Variants in CDK14 observed in about 807,000 individuals in gnomAD.
CDK14 encodes the protein cyclin dependent kinase 14.
In CDK14, 34 loss-of-function variants were observed where a neutral mutation model predicts 60.7. The observed-to-expected ratio is 0.56, with a 90% CI of 0.43 to 0.75. The LOEUF (loss-of-function observed/expected upper bound fraction) is 0.75, where lower values mean the gene tolerates loss of function less well. Ranked by LOEUF, CDK14 falls within the 30% of genes least tolerant of loss-of-function variation. The pLI is 0.00. For synonymous variants in CDK14, 197 were observed against 203.7 expected (o/e 0.97, Z 0.28); for missense variants, 482 against 564.1 (o/e 0.85, Z 1.47).
At position 90,791,673 on chromosome 7, in the gene CDK14, T is replaced by C. The variant is rs182096368; in HGVS notation, c.544+1021T>C. Among the ~76,000 whole-genome samples the C allele has an allele frequency of 1.5e-3, 225 of 152,336 alleles. 1 individual carries two copies. The highest frequency in any genetic ancestry group is 2.1e-3 in the Non-Finnish European group (141 of 68,026). On this transcript the variant is annotated intron_variant, in intron 5 of 14. Coordinates refer to ENST00000380050, the MANE Select transcript of CDK14 (RefSeq NM_001287135.2). The stretch of plus-strand genomic sequence containing the variant: ...TTCTCCTTTTCATTCAATTTTAATT[T>C]TGTTTCCATCATTTATCTTTAGCGG...
rs1033696760 is a variant in CDK14, at chr7:90,981,179, T to A, written c.948-2969T>A. On this transcript the variant is annotated intron_variant, in intron 9 of 14. Transcript: ENST00000380050. ...GAAGAAAATAGTCTTAGAAAAGAAT[T>A]CCTGACAGAAAAATTTGGAAAGCCA... is the stretch of plus-strand genomic sequence containing the variant. 5.9e-5 allele frequency among the ~76,000 whole-genome samples: 9 copies of A among 152,236 alleles called. No individual in the cohort carries two copies. In the East Asian group the frequency reaches 1.7e-3, roughly 29 times the overall value.
intron 1 of CDK14, chr7:90,597,334 A>G (rs1161074265): frequency 2.6e-5 from 4 of 152,496 alleles, no homozygotes; most frequent in Non-Finnish European, 5.9e-5. Flanking sequence ...TGTCTCTCGA[A>G]CTTGTTCCAT....
intron 10 of CDK14, among the ~76,000 whole-genome samples, chr7:90,998,483 A>G (rs569344119): frequency 4.6e-5 from 7 of 152,328 alleles, no homozygotes; most frequent in Non-Finnish European, 8.8e-5. Context: ...ACACTTGGGC[A>G]ATAAAAATAT....
intron 4 of CDK14, among the ~76,000 whole-genome samples, chr7:90,770,576 C>T (rs760988126): frequency 3.3e-5 from 5 of 152,150 alleles, no homozygotes; most frequent in Non-Finnish European, 7.4e-5. Flanking sequence ...TCAAATATCA[C>T]ATTACTTAAC....
chr7:91,081,460 C>T (rs1026422635), intron 12 of CDK14, among the ~76,000 whole-genome samples: 1 of 152,118 alleles, frequency 6.6e-6, no homozygotes, highest in African/African-American at 2.4e-5. Context: ...TTTGCAAGAA[C>T]TAATTTGAAT....
intron 2 of CDK14, among the ~76,000 whole-genome samples, chr7:90,679,263 A>T (rs1174679807): frequency 6.6e-6 from 1 of 152,192 alleles, no homozygotes; most frequent in Non-Finnish European, 1.5e-5. Flanking sequence ...AACAGTTCTT[A>T]AATCTAGCTC....
At chr7:90,996,499 A>G (rs989588439) in intron 10 of CDK14, among the ~76,000 whole-genome samples, 9 of 152,246 alleles carry the variant, frequency 5.9e-5, no homozygotes, top group Admixed American at 4.6e-4. Flanking sequence ...ATTAAGATTT[A>G]TCATAAAATA....
At chr7:91,054,088 ATTTTTTT>A (rs10675646) in intron 11 of CDK14, among the ~76,000 whole-genome samples, 1 of 112,972 alleles carries the variant, frequency 8.9e-6, no homozygotes, top group Non-Finnish European at 1.7e-5. Flanking sequence ...CTGCAAAATA[ATTTTTTT>A]TTTTTTTTTT....
chr7:90,805,654 T>C (rs1229426954), intron 5 of CDK14, among the ~76,000 whole-genome samples: 1 of 152,102 alleles, frequency 6.6e-6, no homozygotes, highest in East Asian at 1.9e-4. Context: ...AATAAAAAGA[T>C]GTACCTTGTT....
intron 3 of CDK14, among the ~76,000 whole-genome samples, chr7:90,747,088 A>T (rs940636738): frequency 6.6e-6 from 1 of 152,232 alleles, no homozygotes; most frequent in Non-Finnish European, 1.5e-5. Flanking sequence ...AATGACCACG[A>T]CTGTGTTTCA....
intron 7 of CDK14, among the ~76,000 whole-genome samples, chr7:90,915,118 T>C (rs147300845): frequency 5.6e-4 from 85 of 152,046 alleles, no homozygotes; most frequent in Non-Finnish European, 9.3e-4. Context: ...TGGAAAATAG[T>C]AGGCAAAGGG....
chr7:90,597,022 T>G (rs950478309), intron 1 of CDK14, among the ~76,000 whole-genome samples: 1 of 152,106 alleles, frequency 6.6e-6, no homozygotes, highest in African/African-American at 2.4e-5. Context: ...AGGGGACCCC[T>G]CGGCCCCCAC....
chr7:90,652,094 T>C (rs149888140), intron 2 of CDK14, among the ~76,000 whole-genome samples: 3 of 152,306 alleles, frequency 2.0e-5, no homozygotes, highest in African/African-American at 7.2e-5. Flanking sequence ...TCTTTCTTTA[T>C]TTTTCCCAAG....
chr7:91,173,460 G>T (rs1314800152), intron 14 of CDK14, among the ~76,000 whole-genome samples: 1 of 151,672 alleles, frequency 6.6e-6, no homozygotes, highest in African/African-American at 2.4e-5. Flanking sequence ...GAGCCAAGAT[G>T]GCCGAATAGG....
intron 10 of CDK14, among the ~76,000 whole-genome samples, chr7:91,035,220 C>G (rs918573258): frequency 6.6e-6 from 1 of 152,130 alleles, no homozygotes; most frequent in African/African-American, 2.4e-5. Flanking sequence ...TCTGTGTGAC[C>G]TCATCTTGTC....
intron 14 of CDK14, among the ~76,000 whole-genome samples, chr7:91,123,673 G>A (rs535494933): frequency 4.6e-5 from 7 of 151,806 alleles, no homozygotes; most frequent in African/African-American, 1.2e-4. Flanking sequence ...TCCTTTAAAC[G>A]CTAATGCAAG....
chr7:90,901,572 C>A (rs1792505855), intron 7 of CDK14, among the ~76,000 whole-genome samples: 1 of 151,962 alleles, frequency 6.6e-6, no homozygotes, highest in Non-Finnish European at 1.5e-5. Flanking sequence ...ATGTCCTGGA[C>A]AGTCTCAGTG....
intron 2 of CDK14, among the ~76,000 whole-genome samples, chr7:90,699,405 T>C (rs1375250517): frequency 6.6e-6 from 1 of 152,226 alleles, no homozygotes; most frequent in Non-Finnish European, 1.5e-5. Context: ...AAGTAGTTTG[T>C]ACATCATTTA....
chr7:90,644,207 C>T (rs1800410347), intron 2 of CDK14, among the ~76,000 whole-genome samples: 1 of 152,146 alleles, frequency 6.6e-6, no homozygotes, highest in South Asian at 2.1e-4. Context: ...TTCCAGTCCC[C>T]AAAACTAAGA....
Sources: gnomAD v4.1 joint callset for allele counts (sites outside exome capture counted in the v4.1 genomes callset) on GRCh38, gnomAD v4.1.1 for gene constraint, MANE v1.5 for transcripts, NCBI Gene and HGNC (gene_info 2026-07-23, HGNC 2026-07-21) for gene names.